The following GRB10 variants were observed in gnomAD, a reference collection of about 807,000 sequenced individuals.
GRB10 encodes the protein growth factor receptor bound protein 10, also known as growth factor receptor-bound protein 10.
A neutral mutation model predicts 80.9 loss-of-function variants in GRB10; 20 were observed. That is an observed-to-expected ratio of 0.25 (90% CI 0.17 to 0.36). The LOEUF is 0.36. Among genes scored for constraint, GRB10 ranks in the 10% least tolerant of loss-of-function variants. GRB10 has a pLI of 1.00. For missense variants in GRB10, 548 were observed against 747.7 expected, an observed-to-expected ratio of 0.73 and a Z score of 3.12; for synonymous variants, 291 against 291.5, an observed-to-expected ratio of 1.00 and a Z score of 0.02.
At chr7:50,767,608 T>C (rs1402492683) in intron 2 of GRB10, among the ~76,000 whole-genome samples, 1 of 152,132 alleles carries the variant, frequency 6.6e-6, no homozygotes, top group African/African-American at 2.4e-5. Flanking sequence ...CCCCATGCCA[T>C]ACCCTCCATA....
chr7:50,731,845 T>TC (rs1253241173), intron 4 of GRB10, among the ~76,000 whole-genome samples: 1 of 152,074 alleles, frequency 6.6e-6, no homozygotes, highest in African/African-American at 2.4e-5. Flanking sequence ...TCCTTCCCAC[T>TC]CCCTCACGCG....
chr7:50,724,266 A>G (rs1329221818), intron 4 of GRB10, among the ~76,000 whole-genome samples: 2 of 152,262 alleles, frequency 1.3e-5, no homozygotes, highest in African/African-American at 2.4e-5. Flanking sequence ...CCTGCGGGGA[A>G]GAAGCAGTTT....
chr7:50,745,261 T>A (rs2072696099), intron 3 of GRB10, among the ~76,000 whole-genome samples: 1 of 152,206 alleles, frequency 6.6e-6, no homozygotes, highest in Admixed American at 6.5e-5. Context: ...TAAAATTGGG[T>A]TCCTTTTAAA....
At chr7:50,732,490 G>GT (rs1223017245) in intron 3 of GRB10, 122 bp from the exon 4 acceptor site, 6 of 678,506 alleles carry the variant, frequency 8.8e-6, no homozygotes, top group Non-Finnish European at 1.3e-5. Flanking sequence ...TGTAGGTTCA[G>GT]TAAGGACACT....
intron 8 of GRB10, among the ~76,000 whole-genome samples, chr7:50,622,900 C>T (rs1271655720): frequency 6.6e-6 from 1 of 152,116 alleles, no homozygotes; most frequent in Non-Finnish European, 1.5e-5. Flanking sequence ...AGGTGATCCT[C>T]CTGCCTTGGC....
chr7:50,707,270 T>A (rs895263394), intron 4 of GRB10, among the ~76,000 whole-genome samples: 1 of 152,048 alleles, frequency 6.6e-6, no homozygotes, highest in African/African-American at 2.4e-5. Flanking sequence ...AATGACTCCT[T>A]CCCCCCAAAA....
intron 4 of GRB10, among the ~76,000 whole-genome samples, chr7:50,716,968 A>AAAT (rs1170381975): frequency 6.6e-6 from 1 of 152,214 alleles, no homozygotes; most frequent in African/African-American, 2.4e-5. Flanking sequence ...GGGCCAGAGA[A>AAAT]AATAAAGGCT....
chr7:50,629,563 A>T (rs2053612837), intron 7 of GRB10, among the ~76,000 whole-genome samples: 1 of 152,170 alleles, frequency 6.6e-6, no homozygotes, highest in Non-Finnish European at 1.5e-5. Flanking sequence ...AGGGCCCTCC[A>T]ACCACACACA....
rs769668146 is a variant in GRB10, at chr7:50,674,532, T to C, written c.266A>G (p.Gln89Arg). The change falls in exon 6 of 19, where the codon CAG becomes CGG. Residue 89 changes from glutamine to arginine, a missense_variant. Physicochemically the swap from Gln to Arg is conservative, Grantham distance 43. Around this residue, in one of 4 missense-constraint regions of GRB10, gnomAD observed 245 missense variants for 229.3 expected, o/e 1.07. Transcript: ENST00000401949. ...LLQNGQHARS[Q>R]PRASGPPRSI... ...CCGAGGAGGGCCTGAAGCCCGAGGC[T>C]GGCTGCGGGCATGCTGGCCATTCTG... 3.7e-6 allele frequency: 6 copies of C among 1,611,306 alleles called. No individual in the cohort carries two copies. The South Asian group carries it at 6.6e-5, about 18-fold the overall frequency.
chr7:50,671,729 C>T (rs2060373123), intron 6 of GRB10, among the ~76,000 whole-genome samples: 1 of 152,262 alleles, frequency 6.6e-6, no homozygotes, highest in Non-Finnish European at 1.5e-5. Context: ...CCAGTGACTT[C>T]ACCCCAAAAA....
At chr7:50,627,021 G>T in intron 7 of GRB10, 43 bp from the exon 8 acceptor site, 1 of 1,597,724 alleles carries the variant, frequency 6.3e-7, no homozygotes, top group Non-Finnish European at 8.6e-7. Context: ...ACAACTTCGG[G>T]CTTTCAAGAA....
At chr7:50,733,617 A>G (rs2070284917) in intron 3 of GRB10, among the ~76,000 whole-genome samples, 1 of 152,204 alleles carries the variant, frequency 6.6e-6, no homozygotes, top group Admixed American at 6.5e-5. Flanking sequence ...CCTGGCTCAG[A>G]CGTCCCCAAC....
At chr7:50,679,608 G>A (rs1197648434) in intron 5 of GRB10, among the ~76,000 whole-genome samples, 2 of 152,170 alleles carry the variant, frequency 1.3e-5, no homozygotes, top group African/African-American at 4.8e-5. Flanking sequence ...CCATCAGTGT[G>A]CGATGCCTTC....
intron 7 of GRB10, among the ~76,000 whole-genome samples, chr7:50,646,256 G>A (rs189878021): frequency 6.6e-6 from 1 of 152,316 alleles, no homozygotes; most frequent in Non-Finnish European, 1.5e-5. Flanking sequence ...GAAAGCACGG[G>A]GGCCCTTGTT....
chr7:50,748,051 A>G (rs1252967551), intron 3 of GRB10, among the ~76,000 whole-genome samples: 3 of 152,218 alleles, frequency 2.0e-5, no homozygotes, highest in African/African-American at 7.2e-5. Flanking sequence ...TGCAGGTGGG[A>G]AATTCCAGAG....
rs553584156 is a variant in GRB10 at position 50,638,337 on chromosome 7, C to G, written c.505-11359G>C. Among the ~76,000 whole-genome samples the G allele has an allele frequency of 6.6e-5, 10 of 152,066 alleles. No homozygotes were observed. In the East Asian group the frequency reaches 1.9e-3, roughly 29 times the overall value. ...CCTAGAGAATGGGAGAAAATATTTG[C>G]AAATTATGACAAAGGACTAATACCC... On this transcript the variant is annotated intron_variant, in intron 7 of 18. Transcript: ENST00000401949.
chr7:50,695,495 G>A (rs377371157), intron 5 of GRB10, among the ~76,000 whole-genome samples: 7 of 152,026 alleles, frequency 4.6e-5, no homozygotes, highest in East Asian at 3.9e-4. Context: ...AGAATATAAC[G>A]CAACCTTTAC....
rs1563076276 is a variant in GRB10 at position 50,591,214 on chromosome 7, CTT to C, written c.*1736_*1737del. On this transcript the variant is annotated 3_prime_UTR_variant, in exon 19 of 19. Transcript: ENST00000401949. ...TAAAAACATGTTTTGCTAGAAAATT[CTT>C]CATTTGTATACCTTTCATGGAAAAC... 4 of 152,344 alleles carry C rather than the reference CTT, an allele frequency of 2.6e-5. No homozygotes were observed. The South Asian group carries it at 6.2e-4, about 24-fold the overall frequency. 9.4% of individuals were successfully genotyped at this position (152,344 alleles called of 1,614,324 possible).
At chr7:50,744,201 C>T (rs988504760) in intron 3 of GRB10, among the ~76,000 whole-genome samples, 4 of 152,174 alleles carry the variant, frequency 2.6e-5, no homozygotes, top group South Asian at 2.1e-4. Flanking sequence ...TGCAACACCA[C>T]GACCACAGGA....
Sources: allele counts gnomAD v4.1 joint callset (sites outside exome capture counted in the v4.1 genomes callset), GRCh38; gene constraint gnomAD v4.1.1; regional missense constraint gnomAD v4.1.1; transcripts MANE v1.5; gene names NCBI Gene and HGNC (gene_info 2026-07-23, HGNC 2026-07-21).